The following ADAM12 variants were observed in gnomAD, a reference collection of about 807,000 sequenced individuals.
The protein encoded by ADAM12 is ADAM metallopeptidase domain 12, also known as disintegrin and metalloproteinase domain-containing protein 12.
ADAM12 carries 70 observed loss-of-function variants against 106.4 expected under a neutral mutation model. That is an observed-to-expected ratio of 0.66 (90% CI 0.54 to 0.80). The LOEUF (loss-of-function observed/expected upper bound fraction) is 0.80, where lower values mean the gene tolerates loss of function less well. ADAM12 is among the 30% of genes least tolerant of loss of function. The pLI, the probability that ADAM12 is intolerant of heterozygous loss-of-function variation, is 0.00. For missense variants in ADAM12, 1,010 were observed against 1,171.9 expected (o/e 0.86, Z 2.02); for synonymous variants, 420 against 433.5 (o/e 0.97, Z 0.39).
In ADAM12 at chr10:126,135,494, C is replaced by G; in HGVS notation, c.416+90G>C. On this transcript the variant is annotated intron_variant, in intron 5 of 22. Transcript: ENST00000448723. The stretch of plus-strand genomic sequence containing the variant: ...CTGAGCTGGGAGCCCCCATCACTCA[C>G]TCTCAGTGCTTTAGCACGAGCAGGA... 3 of 1,296,516 alleles carry G rather than the reference C, an allele frequency of 2.3e-6. No individual in the cohort carries two copies. The Admixed American group carries it at 5.4e-5, about 23-fold the overall frequency. The allele number at this position is 1,296,516 out of a possible 1,614,324, so 80.3% of individuals were successfully genotyped here.
At chr10:126,382,649 C>T (rs763455861) in intron 1 of ADAM12, among the ~76,000 whole-genome samples, 10 of 152,076 alleles carry the variant, frequency 6.6e-5, no homozygotes, top group Non-Finnish European at 1.3e-4. Flanking sequence ...TGGAAGTACA[C>T]AGAACTTCTA....
At position 126,387,891 on chromosome 10, in the gene ADAM12, G is replaced by T. The variant is rs1019884830; in HGVS notation, c.88+167C>A. ...CCCTTCCCCAAGGAATTGGCACCTGGGGGGGGGGGGTCGGTCTCGCCGCGC... is the reference window on the plus strand; with the variant it reads ...CCCTTCCCCAAGGAATTGGCACCTGTGGGGGGGGGGTCGGTCTCGCCGCGC... On this transcript the variant is annotated intron_variant, in intron 1 of 22. Transcript: ENST00000448723. Among the ~76,000 whole-genome samples the T allele has an allele frequency of 3.0e-5, 3 of 99,400 alleles. 1 individual carries two copies. Among genetic ancestry groups the T allele is most frequent in the African/African-American group, 1.1e-4 (3 of 26,950 alleles). 65.2% of individuals were successfully genotyped at this position (99,400 alleles called of 152,430 possible). A position where few individuals can be genotyped will look rare whatever the true frequency, so the allele number is the denominator to read the frequency against.
intron 2 of ADAM12, among the ~76,000 whole-genome samples, chr10:126,288,020 G>A (rs1357513743): frequency 6.6e-6 from 1 of 151,628 alleles, no homozygotes; most frequent in Admixed American, 6.6e-5. Context: ...ACTAACTGGG[G>A]GGCGGAGAGG....
At chr10:126,260,856 A>G (rs181178713) in intron 3 of ADAM12, among the ~76,000 whole-genome samples, 51 of 152,304 alleles carry the variant, frequency 3.3e-4, no homozygotes, top group Non-Finnish European at 5.9e-4. Context: ...ATGATGTGAC[A>G]TATATATTGA....
chr10:126,349,863 G>A (rs182379992), intron 1 of ADAM12, among the ~76,000 whole-genome samples: 6 of 152,260 alleles, frequency 3.9e-5, no homozygotes, highest in Non-Finnish European at 5.9e-5. Flanking sequence ...GGAACTCTCC[G>A]TGGGCAGAAT....
In ADAM12 at chr10:126,311,106, C is replaced by CAA. The variant is rs1186773743; in HGVS notation, c.186+19305_186+19306insTT. Among the ~76,000 whole-genome samples the CAA allele has an allele frequency of 4.0e-5, 6 of 149,130 alleles. 1 individual carries two copies. The highest frequency in any genetic ancestry group is 1.3e-4 in the African/African-American group (5 of 39,982). On this transcript the variant is annotated intron_variant, in intron 2 of 22. Coordinates refer to ENST00000448723, the MANE Select transcript of ADAM12 (RefSeq NM_001288973.2). ...ACATACACACAAATACACACACACA[C>CAA]ACACACACACACACACACACACACA...
At chr10:126,247,525 G>T (rs1403581502) in intron 3 of ADAM12, among the ~76,000 whole-genome samples, 1 of 152,152 alleles carries the variant, frequency 6.6e-6, no homozygotes, top group African/African-American at 2.4e-5. Context: ...CATCTGTGAC[G>T]TATGGGCAAT....
intron 3 of ADAM12, among the ~76,000 whole-genome samples, chr10:126,209,159 GAT>G (rs1258177713): frequency 1.3e-5 from 2 of 152,186 alleles, no homozygotes; most frequent in Non-Finnish European, 2.9e-5. Context: ...ACATAGGAGG[GAT>G]ATTTTCATCT....
chr10:126,334,122 TAGAC>T (rs1291622237), intron 1 of ADAM12, among the ~76,000 whole-genome samples: 1 of 152,214 alleles, frequency 6.6e-6, no homozygotes, highest in Admixed American at 6.5e-5. Flanking sequence ...ACTGCACGGA[TAGAC>T]AGAATAAATT....
In ADAM12 at chr10:126,327,721, G is replaced by A. The variant is rs145833719; in HGVS notation, c.186+2691C>T. On this transcript the variant is annotated intron_variant, in intron 2 of 22. Transcript: ENST00000448723. ...GTTGTGAACACTGCATGTCACCTCT[G>A]GGGAAAAAGAGTCACAAAAAATTAA... Among the ~76,000 whole-genome samples the A allele has an allele frequency of 3.3e-5, 5 of 152,110 alleles. No homozygotes were observed. In the East Asian group the frequency reaches 7.7e-4, roughly 24 times the overall value.
chr10:126,249,086 T>C (rs936617349), intron 3 of ADAM12, among the ~76,000 whole-genome samples: 3 of 152,188 alleles, frequency 2.0e-5, no homozygotes, highest in Non-Finnish European at 4.4e-5. Flanking sequence ...TGGAGGAAAC[T>C]GAGGCACAGA....
In ADAM12 at chr10:126,251,231, C is replaced by T. The variant is rs531636820; in HGVS notation, c.260+27684G>A. 2.3e-3 allele frequency among the ~76,000 whole-genome samples: 354 copies of T among 152,312 alleles called. 2 individuals are homozygous for T. The highest frequency in any genetic ancestry group is 6.9e-3 in the African/African-American group (285 of 41,570). On this transcript the variant is annotated intron_variant, in intron 3 of 22. Transcript: ENST00000448723. ...TCCTCGACCTTTCTGAGACCTGGTT[C>T]GTTGTGCTTTCCTCCAGTTCCTTCC...
At chr10:126,183,819 T>C (rs962567972) in intron 3 of ADAM12, among the ~76,000 whole-genome samples, 7 of 152,076 alleles carry the variant, frequency 4.6e-5, no homozygotes, top group African/African-American at 1.2e-4. Flanking sequence ...AGTGAGTAAA[T>C]TATAGAAGGT....
chr10:126,296,633 T>C (rs561211347), intron 2 of ADAM12, among the ~76,000 whole-genome samples: 28 of 152,276 alleles, frequency 1.8e-4, no homozygotes, highest in African/African-American at 6.5e-4. Flanking sequence ...AATGTAACCA[T>C]GGTTGGAGTA....
At chr10:126,132,688 G>A (rs1343271833) in intron 5 of ADAM12, among the ~76,000 whole-genome samples, 1 of 152,092 alleles carries the variant, frequency 6.6e-6, no homozygotes, top group Admixed American at 6.5e-5. Context: ...CTCAAACTTT[G>A]TTTGAACATG....
Position 126,388,089 on chromosome 10 carries a change from G to T in ADAM12, c.57C>A (p.Ala19=). 8.1e-7 allele frequency: 1 copy of T among 1,234,446 alleles called. No individual in the cohort carries two copies. The highest frequency in any genetic ancestry group is 3.2e-5 in the East Asian group (1 of 31,238). 76.5% of individuals were successfully genotyped at this position (1,234,446 alleles called of 1,614,324 possible). ...SPARALLLAL[A]GALLAPCEAR... The stretch of plus-strand genomic sequence containing the variant: ...CCTCGCAGGGCGCGAGCAGAGCACC[G>T]GCCAGGGCGAGCAGGAGGGCGCGGG... Residue 19 remains alanine, a synonymous_variant, in exon 1 of 23, where the codon GCC becomes GCA. Coordinates refer to ENST00000448723, the MANE Select transcript of ADAM12 (RefSeq NM_001288973.2). This position sits in a 1 kb window ranked among gnomAD's most constrained non-coding sequence, Gnocchi z 4.4.
intron 1 of ADAM12, among the ~76,000 whole-genome samples, chr10:126,348,132 G>C (rs768550319): frequency 6.6e-6 from 1 of 152,144 alleles, no homozygotes; most frequent in Non-Finnish European, 1.5e-5. Context: ...TAGAAGTTAC[G>C]GACAGAGAGA....
At chr10:126,252,119 T>TGGATG in intron 3 of ADAM12, among the ~76,000 whole-genome samples, 1 of 31,890 alleles carries the variant, frequency 3.1e-5, no homozygotes, top group African/African-American at 1.3e-4. Flanking sequence ...ATGGATGGGA[T>TGGATG]GGATGGATGG....
rs749799135 is a variant in ADAM12, at chr10:126,069,794, T to G, written c.1323+1683A>C. On this transcript the variant is annotated intron_variant, in intron 12 of 22. Transcript: ENST00000448723. Reference sequence around the variant, plus strand: ...GTGATGACGGTGGCGGCAGTGGCAGTGATATGGTGATGATGGTCATGAGAG... The same window carrying G: ...GTGATGACGGTGGCGGCAGTGGCAGGGATATGGTGATGATGGTCATGAGAG... 7.8e-4 allele frequency among the ~76,000 whole-genome samples: 119 copies of G among 152,072 alleles called. 1 individual carries two copies. Among genetic ancestry groups the G allele is most frequent in the Middle Eastern group, 6.8e-3 (2 of 294 alleles).
Sources: allele counts gnomAD v4.1 joint callset (sites outside exome capture counted in the v4.1 genomes callset), GRCh38; gene constraint gnomAD v4.1.1; non-coding constraint Gnocchi (gnomAD v3.1); transcripts MANE v1.5; gene names NCBI Gene and HGNC (gene_info 2026-07-23, HGNC 2026-07-21).